Variants in RBM26 observed in about 807,000 individuals in gnomAD.
The protein encoded by RBM26 is RNA binding motif protein 26.
Under a neutral mutation model 123.6 loss-of-function variants are expected in RBM26, and 30 were observed. The observed-to-expected ratio is 0.24, with a 90% CI of 0.18 to 0.33. The LOEUF is 0.33. RBM26 is among the 10% of genes least tolerant of loss of function. The probability of loss-of-function intolerance (pLI) is 1.00; values close to 1 mark genes in which losing one functional copy is unlikely to be tolerated. For synonymous variants in RBM26, 400 were observed against 404.4 expected (o/e 0.99, Z 0.13); for missense variants, 947 against 1,203.6 (o/e 0.79, Z 3.15).
chr13:79,383,880 A>G lies in RBM26; in HGVS notation c.72-4973T>C, dbSNP rs115169060. ...AGGACTCTGTTGAAGGGACATTTAA[A>G]CAGGGATCTGAATTTAGATAGGAAT... On this transcript the variant is annotated intron_variant, in intron 1 of 21. Transcript: ENST00000438737. Among the ~76,000 whole-genome samples, 974 of 152,332 alleles carry G rather than the reference A, an allele frequency of 6.4e-3. 16 individuals carry two copies. The highest frequency in any genetic ancestry group is 0.022 in the African/African-American group (898 of 41,576).
At chr13:79,390,281 A>G (rs183222439) in intron 1 of RBM26, among the ~76,000 whole-genome samples, 69 of 152,312 alleles carry the variant, frequency 4.5e-4, no homozygotes, top group African/African-American at 1.6e-3. Flanking sequence ...CAGCAATACA[A>G]AGAAGCAAAC....
intron 20 of RBM26, among the ~76,000 whole-genome samples, chr13:79,330,619 C>T (rs181535102): frequency 9.9e-5 from 15 of 151,858 alleles, no homozygotes; most frequent in Admixed American, 2.0e-4. Flanking sequence ...TTTTTAGTAA[C>T]GATAATATAA....
chr13:79,346,366 G>A (rs991056514), intron 14 of RBM26, among the ~76,000 whole-genome samples: 3 of 152,134 alleles, frequency 2.0e-5, no homozygotes, highest in African/African-American at 7.2e-5. Flanking sequence ...TATTTGATGT[G>A]TATTAAAATT....
chr13:79,338,914 T>C (rs2070905625), intron 18 of RBM26, among the ~76,000 whole-genome samples: 1 of 152,164 alleles, frequency 6.6e-6, no homozygotes, highest in African/African-American at 2.4e-5. Flanking sequence ...GAGAAATCAA[T>C]TAAGACTGCC....
intron 21 of RBM26, 30 bp from the exon 22 acceptor site, chr13:79,320,740 C>CT: frequency 8.6e-7 from 1 of 1,166,086 alleles, no homozygotes; most frequent in South Asian, 2.0e-5. Flanking sequence ...TAGGAATTTA[C>CT]CCAAAAAAAA....
intron 8 of RBM26, 119 bp from the exon 9 acceptor site, chr13:79,365,837 G>T: frequency 1.0e-6 from 1 of 964,560 alleles, no homozygotes. Context: ...TGCTCTATAT[G>T]TATCAAAAAG....
At chr13:79,359,541 C>A (rs1181021614) in intron 10 of RBM26, 34 bp downstream of exon 10, 2 of 967,220 alleles carry the variant, frequency 2.1e-6, no homozygotes, top group Non-Finnish European at 3.2e-6. Context: ...AATCAATGCA[C>A]AATTATACTC....
intron 1 of RBM26, among the ~76,000 whole-genome samples, chr13:79,393,542 A>G (rs186103007): frequency 6.6e-6 from 1 of 152,228 alleles, no homozygotes; most frequent in African/African-American, 2.4e-5. Flanking sequence ...TCAGTTCCGC[A>G]TGACTTGAGT....
In RBM26 at chr13:79,319,225, T is replaced by C. The variant is rs1005785616; in HGVS notation, c.*1396A>G. The C allele has an allele frequency of 8.1e-6, 8 of 984,364 alleles. No individual in the cohort carries two copies. In the African/African-American group the frequency reaches 8.7e-5, roughly 11 times the overall value. The allele number at this position is 984,364 out of a possible 1,614,324, so 61.0% of individuals were successfully genotyped here. ...GTGGTGGTGGAACAACAGCTTTTGA[T>C]TGTGAGGACCCCAATATGGAAGAAA... On this transcript the variant is annotated 3_prime_UTR_variant, in exon 22 of 22. Transcript: ENST00000438737.
intron 1 of RBM26, among the ~76,000 whole-genome samples, chr13:79,399,738 G>A (rs534971970): frequency 2.2e-4 from 33 of 152,200 alleles, no homozygotes; most frequent in African/African-American, 7.5e-4. Context: ...ATTTAGATAC[G>A]GAGTGTGAGC....
chr13:79,351,065 A>G (rs1188933549), intron 14 of RBM26, among the ~76,000 whole-genome samples: 2 of 152,198 alleles, frequency 1.3e-5, no homozygotes, highest in Non-Finnish European at 2.9e-5. Context: ...TTAGCATAAT[A>G]TATGGGTATA....
intron 1 of RBM26, among the ~76,000 whole-genome samples, chr13:79,394,823 G>A (rs371547312): frequency 2.6e-5 from 4 of 152,152 alleles, no homozygotes; most frequent in African/African-American, 9.6e-5. Flanking sequence ...TAGTTTGGAC[G>A]GGGTTTCACC....
Position 79,399,327 on chromosome 13 carries a change from C to T in RBM26, c.71+6377G>A, listed in dbSNP as rs1394682672. 4.6e-5 allele frequency among the ~76,000 whole-genome samples: 7 copies of T among 152,254 alleles called. No homozygotes were observed. In the East Asian group the frequency reaches 1.4e-3, roughly 29 times the overall value. On this transcript the variant is annotated intron_variant, in intron 1 of 21. Transcript: ENST00000438737. ...GAATAAAGTATGCTAATTCATCTTC[C>T]TAACACCTATCTTGCACACAATGAA...
intron 9 of RBM26, among the ~76,000 whole-genome samples, chr13:79,364,276 T>G (rs760861671): frequency 1.1e-4 from 16 of 152,160 alleles, no homozygotes; most frequent in Non-Finnish European, 2.1e-4. Context: ...TTACAAAAAG[T>G]CCTTTAAACA....
At chr13:79,344,168 T>C (rs555318665) in intron 16 of RBM26, 80 bp downstream of exon 16, 2 of 879,108 alleles carry the variant, frequency 2.3e-6, no homozygotes, top group East Asian at 4.9e-5. Flanking sequence ...TAAATCTTTT[T>C]ATGACTAGGT....
At chr13:79,335,114 T>C (rs2070119935) in intron 19 of RBM26, among the ~76,000 whole-genome samples, 1 of 152,236 alleles carries the variant, frequency 6.6e-6, no homozygotes, top group African/African-American at 2.4e-5. Context: ...TAGTCCTTTA[T>C]ATATCATTAT....
At chr13:79,392,032 ATATAT>A (rs1475767402) in intron 1 of RBM26, among the ~76,000 whole-genome samples, 2 of 117,814 alleles carry the variant, frequency 1.7e-5, no homozygotes, top group African/African-American at 3.0e-5. Flanking sequence ...TTATATAATT[ATATAT>A]TATACAATAC....
Position 79,371,585 on chromosome 13 carries a change from T to G in RBM26, c.416+257A>C, listed in dbSNP as rs566261327. ...AGGCAAAAAAAAAACACCCACACAT[T>G]AAGATTCTACTGGAATCTGAAGTTA... is the stretch of plus-strand genomic sequence containing the variant. On this transcript the variant is annotated intron_variant, in intron 4 of 21. Transcript: ENST00000438737. Among the ~76,000 whole-genome samples, 9 of 152,146 alleles carry G rather than the reference T, an allele frequency of 5.9e-5. No homozygotes were observed. In the East Asian group the frequency reaches 1.5e-3, roughly 26 times the overall value.
intron 14 of RBM26, among the ~76,000 whole-genome samples, chr13:79,348,544 T>C (rs960535921): frequency 3.3e-5 from 5 of 152,116 alleles, no homozygotes; most frequent in African/African-American, 1.2e-4. Context: ...AATACAAATA[T>C]AGTTATGATG....
Sources: allele counts gnomAD v4.1 joint callset (sites outside exome capture counted in the v4.1 genomes callset), GRCh38; gene constraint gnomAD v4.1.1; transcripts MANE v1.5; gene names NCBI Gene and HGNC (gene_info 2026-07-23, HGNC 2026-07-21).